Variants in FADS2 observed in about 807,000 individuals in gnomAD.
FADS2 encodes fatty acid desaturase 2.
In FADS2, 18 loss-of-function variants were observed where a neutral mutation model predicts 61.2. The observed-to-expected ratio is 0.29, with a 90% CI of 0.20 to 0.44. FADS2 has a LOEUF of 0.44. FADS2 is among the 20% of genes least tolerant of loss of function. FADS2 has a pLI of 1.00. For synonymous variants in FADS2, 203 were observed against 223.9 expected (o/e 0.91, Z 0.83); for missense variants, 322 against 572.7 (o/e 0.56, Z 4.47).
upstream of FADS2, among the ~76,000 whole-genome samples, chr11:61,823,808 C>T (rs1048416865): frequency 2.6e-5 from 4 of 152,202 alleles, no homozygotes; most frequent in South Asian, 2.1e-4. Flanking sequence ...TGAGCCACCA[C>T]GCCTGGCCTA....
At chr11:61,861,365 A>AAAAC (rs2067414476) in intron 7 of FADS2, among the ~76,000 whole-genome samples, 2 of 130,782 alleles carry the variant, frequency 1.5e-5, no homozygotes, top group African/African-American at 3.0e-5. Flanking sequence ...AAAAAAAAAA[A>AAAAC]AAAAAACAGA....
Position 61,843,798 on chromosome 11 carries a change from A to T in FADS2, c.618+3073A>T, listed in dbSNP as rs567370909. On this transcript the variant is annotated intron_variant, in intron 4 of 11. Coordinates refer to ENST00000278840, the MANE Select transcript of FADS2 (RefSeq NM_004265.4). ...CTCAGCCTCCCGAGTAGCTGGGATT[A>T]CAGGTGTGCGCCACTATGCCCAGCT... Among the ~76,000 whole-genome samples the T allele has an allele frequency of 1.4e-4, 21 of 152,170 alleles. No individual in the cohort carries two copies. The South Asian group carries it at 4.4e-3, about 32-fold the overall frequency.
chr11:61,859,611 G>A (rs1041527777), intron 7 of FADS2, among the ~76,000 whole-genome samples: 9 of 152,196 alleles, frequency 5.9e-5, no homozygotes, highest in South Asian at 2.1e-4. Flanking sequence ...TCAAGTTAGA[G>A]ACTAGCACCA....
At chr11:61,835,865 A>G (rs1301231918) in intron 1 of FADS2, among the ~76,000 whole-genome samples, 1 of 152,172 alleles carries the variant, frequency 6.6e-6, no homozygotes, top group Non-Finnish European at 1.5e-5. Flanking sequence ...TCATTGTGTG[A>G]TCACATCCCT....
intron 5 of FADS2, among the ~76,000 whole-genome samples, chr11:61,850,065 C>T (rs2067292229): frequency 6.6e-6 from 1 of 152,002 alleles, no homozygotes; most frequent in Non-Finnish European, 1.5e-5. Context: ...AAAAATTCTA[C>T]CTTGTATCCT....
Position 61,865,441 on chromosome 11 carries a change from GAGA to G in FADS2, c.1283+168_1283+170del, listed in dbSNP as rs1359465882. Reference sequence around the variant, plus strand: ...TGTTGGGCTTTTCTCCCTGGGCTGCGAGAAGACCATCCCTTTCTGTGTGGGGTT... The same window carrying G: ...TGTTGGGCTTTTCTCCCTGGGCTGCGAGACCATCCCTTTCTGTGTGGGGTT... On this transcript the variant is annotated intron_variant, in intron 11 of 11. Coordinates refer to ENST00000278840, the MANE Select transcript of FADS2 (RefSeq NM_004265.4). The surrounding 1 kb of genome is among the most constrained non-coding windows in gnomAD (Gnocchi z 4.1). 1.0e-6 allele frequency: 1 copy of G among 994,486 alleles called. No homozygotes were observed. Among genetic ancestry groups the G allele is most frequent in the East Asian group, 2.6e-5 (1 of 38,054 alleles). 61.6% of individuals were successfully genotyped at this position (994,486 alleles called of 1,614,324 possible). A position where few individuals can be genotyped will look rare whatever the true frequency, so the allele number is the denominator to read the frequency against.
In FADS2 at chr11:61,828,698, C is replaced by A; in HGVS notation, c.207+101C>A. On this transcript the variant is annotated intron_variant, in intron 1 of 11. Transcript: ENST00000278840. This position sits in a 1 kb window ranked among gnomAD's most constrained non-coding sequence, Gnocchi z 6.4. ...AACAGACCTCCGGCGCTGAATGGAG[C>A]TTGGGACGTCCTGTAGGGAAGGAAA... 2.0e-6 allele frequency: 2 copies of A among 1,016,124 alleles called. No individual in the cohort carries two copies. The highest frequency in any genetic ancestry group is 2.9e-6 in the Non-Finnish European group (2 of 681,654). The allele number at this position is 1,016,124 out of a possible 1,614,324, so 62.9% of individuals were successfully genotyped here.
intron 4 of FADS2, chr11:61,847,535 G>A (rs1467135596): frequency 2.0e-5 from 3 of 153,038 alleles, no homozygotes; most frequent in Admixed American, 1.3e-4. Context: ...GCTCATCCGT[G>A]TTGTAGCAAG....
chr11:61,823,310 G>A (rs2067047528), upstream of FADS2, among the ~76,000 whole-genome samples: 1 of 152,204 alleles, frequency 6.6e-6, no homozygotes, highest in Admixed American at 6.5e-5. Context: ...GATTGTAGTT[G>A]AGACACCTGC....
At chr11:61,843,364 A>G (rs192918329) in intron 4 of FADS2, among the ~76,000 whole-genome samples, 2 of 152,318 alleles carry the variant, frequency 1.3e-5, no homozygotes, top group African/African-American at 4.8e-5. Context: ...TGGGATTTGA[A>G]GGCTGCGGTG....
In FADS2 at chr11:61,857,623, G is replaced by A. The variant is rs1415347323; in HGVS notation, c.882+93G>A. The A allele has an allele frequency of 3.5e-6, 4 of 1,129,450 alleles. No individual in the cohort carries two copies. In the African/African-American group the frequency reaches 4.6e-5, roughly 13 times the overall value. 70.0% of individuals were successfully genotyped at this position (1,129,450 alleles called of 1,614,324 possible). ...CTACGCTGCCTCCTCGTGTGCCCCA[G>A]TGGAGCCTGTGGGGCCCCAGGCATC... On this transcript the variant is annotated intron_variant, in intron 7 of 11. Transcript: ENST00000278840.
chr11:61,819,132 C>T (rs973522263), intron 1 of FADS2, among the ~76,000 whole-genome samples: 3 of 152,038 alleles, frequency 2.0e-5, no homozygotes, highest in Non-Finnish European at 4.4e-5. Flanking sequence ...CCTCGGCCTC[C>T]CAAAGTGCTG....
intron 5 of FADS2, among the ~76,000 whole-genome samples, chr11:61,852,686 G>A (rs1048202181): frequency 2.0e-5 from 3 of 152,192 alleles, no homozygotes; most frequent in Non-Finnish European, 4.4e-5. Context: ...TATTGGGGTA[G>A]TTATCTTAAT....
chr11:61,860,818 G>A (rs500850), intron 7 of FADS2, among the ~76,000 whole-genome samples: 1 of 152,168 alleles, frequency 6.6e-6, no homozygotes, highest in East Asian at 1.9e-4. Context: ...TGAGGTAGGA[G>A]GATGGCTTGA....
intron 1 of FADS2, among the ~76,000 whole-genome samples, chr11:61,832,342 C>T (rs962494139): frequency 6.6e-6 from 1 of 152,216 alleles, no homozygotes; most frequent in African/African-American, 2.4e-5. Context: ...GACCTGGGTT[C>T]CAGCCCCAGC....
chr11:61,833,399 C>T (rs1014604094), intron 1 of FADS2, among the ~76,000 whole-genome samples: 3 of 152,168 alleles, frequency 2.0e-5, no homozygotes, highest in Admixed American at 1.3e-4. Flanking sequence ...CTTCTGCCAG[C>T]GTTTGAGACA....
intron 4 of FADS2, among the ~76,000 whole-genome samples, chr11:61,843,114 T>C (rs769882620): frequency 2.6e-5 from 4 of 152,246 alleles, no homozygotes; most frequent in Non-Finnish European, 5.9e-5. Flanking sequence ...TCTTTCGTAG[T>C]TCAGCACTGT....
chr11:61,830,105 G>A (rs1014977160), intron 1 of FADS2, among the ~76,000 whole-genome samples: 20 of 152,156 alleles, frequency 1.3e-4, no homozygotes, highest in African/African-American at 4.3e-4. Context: ...ACCTTTACGC[G>A]GCCCAGTGAG....
At chr11:61,840,283 C>T in intron 2 of FADS2, 51 bp from the exon 3 acceptor site, 1 of 1,452,394 alleles carries the variant, frequency 6.9e-7, no homozygotes, top group Non-Finnish European at 9.7e-7. Context: ...ACATATGTTC[C>T]CTCCAGAGTG....
Sources: gnomAD v4.1 joint callset for allele counts (sites outside exome capture counted in the v4.1 genomes callset) on GRCh38, gnomAD v4.1.1 for gene constraint, Gnocchi (gnomAD v3.1) non-coding constraint, MANE v1.5 for transcripts, NCBI Gene and HGNC (gene_info 2026-07-23, HGNC 2026-07-21) for gene names.